The following PHTF2 variants were observed in gnomAD, a reference collection of about 807,000 sequenced individuals.
The protein encoded by PHTF2 is protein PHTF2.
In PHTF2, 60 loss-of-function variants were observed where a neutral mutation model predicts 101.2. The ratio of observed to expected loss-of-function variants is 0.59; its 90% CI spans 0.48 to 0.73. The LOEUF is 0.73. PHTF2 is among the 30% of genes least tolerant of loss of function. The pLI is 0.00. For synonymous variants in PHTF2, 311 were observed against 307.3 expected (o/e 1.01, Z -0.13); for missense variants, 747 against 908.7 (o/e 0.82, Z 2.29).
chr7:77,832,933 TA>T (rs1178007833), intron 1 of PHTF2, among the ~76,000 whole-genome samples: 2 of 152,138 alleles, frequency 1.3e-5, no homozygotes, highest in African/African-American at 4.8e-5. Context: ...TCCCTGGTGC[TA>T]AAAAAGGTTG....
chr7:77,800,274 C>G (rs551991991), intron 1 of PHTF2, among the ~76,000 whole-genome samples: 1 of 152,252 alleles, frequency 6.6e-6, no homozygotes, highest in Admixed American at 6.5e-5. Flanking sequence ...GGCTCCACCT[C>G]CATAACGTAG....
chr7:77,799,440 G>A (rs1393238206), intron 1 of PHTF2, among the ~76,000 whole-genome samples: 1 of 152,174 alleles, frequency 6.6e-6, no homozygotes, highest in Non-Finnish European at 1.5e-5. Context: ...TCGGGAGGGG[G>A]CGGCGGCTCG....
chr7:77,862,427 T>G (rs960390563), intron 3 of PHTF2, among the ~76,000 whole-genome samples: 7 of 152,210 alleles, frequency 4.6e-5, no homozygotes, highest in Non-Finnish European at 2.9e-5. Flanking sequence ...TTTGAAATAC[T>G]GCAGTCATTT....
At chr7:77,943,042 C>T (rs903726968) in intron 16 of PHTF2, among the ~76,000 whole-genome samples, 3 of 152,200 alleles carry the variant, frequency 2.0e-5, no homozygotes, top group African/African-American at 4.8e-5. Flanking sequence ...ATTATCTTTA[C>T]TTCCCAAAAG....
exon 14 of PHTF2, chr7:77,940,200 T>C: frequency 6.2e-7 from 1 of 1,613,782 alleles, no homozygotes; most frequent in Non-Finnish European, 8.5e-7. Flanking sequence ...CTAATGAAGA[T>C]GTCATAGTTC....
At chr7:77,934,568 A>G (rs1355378551) in intron 12 of PHTF2, among the ~76,000 whole-genome samples, 9 of 152,232 alleles carry the variant, frequency 5.9e-5, no homozygotes, top group Non-Finnish European at 1.2e-4. Flanking sequence ...AGGATAAAGT[A>G]TAATCATTTT....
At chr7:77,926,594 A>AT (rs945079110) in intron 11 of PHTF2, among the ~76,000 whole-genome samples, 2 of 152,102 alleles carry the variant, frequency 1.3e-5, no homozygotes, top group African/African-American at 2.4e-5. Context: ...AAAAAAAAAA[A>AT]TCTGTCTTTT....
At chr7:77,882,854 A>G (rs1672164472) in intron 3 of PHTF2, among the ~76,000 whole-genome samples, 1 of 152,138 alleles carries the variant, frequency 6.6e-6, no homozygotes, top group Admixed American at 6.5e-5. Flanking sequence ...TAATTAAATG[A>G]TTCATCTTCC....
exon 20 of PHTF2, chr7:77,956,275 G>A (rs1806986178): frequency 6.6e-6 from 1 of 152,470 alleles, no homozygotes; most frequent in Non-Finnish European, 1.5e-5. Flanking sequence ...AGAACTTTAA[G>A]ACGATTAATT....
chr7:77,813,055 A>G (rs1385119681), intron 1 of PHTF2, among the ~76,000 whole-genome samples: 1 of 152,238 alleles, frequency 6.6e-6, no homozygotes. Context: ...TACAGTAGTC[A>G]TCTATAGATG....
chr7:77,836,119 C>CAA (rs1210225270), intron 1 of PHTF2, among the ~76,000 whole-genome samples: 123 of 64,460 alleles, frequency 1.9e-3, no homozygotes, highest in African/African-American at 5.3e-3. Context: ...AACTCCATCT[C>CAA]AAAAAAAAAA....
chr7:77,886,046 T>G (rs1259317213), intron 3 of PHTF2, among the ~76,000 whole-genome samples: 2 of 152,222 alleles, frequency 1.3e-5, no homozygotes, highest in South Asian at 4.1e-4. Context: ...TTAAATATGT[T>G]TGCAAATCTG....
At chr7:77,908,424 A>G (rs959239984) in intron 7 of PHTF2, among the ~76,000 whole-genome samples, 1 of 152,212 alleles carries the variant, frequency 6.6e-6, no homozygotes, top group South Asian at 2.1e-4. Flanking sequence ...TACACTTATC[A>G]TAAGATTTCT....
intron 3 of PHTF2, among the ~76,000 whole-genome samples, chr7:77,890,962 C>A (rs1584613620): frequency 7.7e-6 from 1 of 130,682 alleles, no homozygotes; most frequent in African/African-American, 3.0e-5. Context: ...AGGCAGAGTA[C>A]AGTGGCATGA....
At chr7:77,837,970 T>C (rs1795597390) in intron 1 of PHTF2, among the ~76,000 whole-genome samples, 1 of 152,194 alleles carries the variant, frequency 6.6e-6, no homozygotes, top group Non-Finnish European at 1.5e-5. Context: ...TAATCTGGAA[T>C]ATTTGTCAAT....
At chr7:77,821,255 G>C (rs1794267877) in intron 1 of PHTF2, among the ~76,000 whole-genome samples, 2 of 151,768 alleles carry the variant, frequency 1.3e-5, no homozygotes, top group Admixed American at 1.3e-4. Context: ...GTTTTCTCTT[G>C]GTTTTAGAAT....
intron 1 of PHTF2, among the ~76,000 whole-genome samples, chr7:77,816,553 A>G (rs1793871814): frequency 6.6e-6 from 1 of 152,256 alleles, no homozygotes; most frequent in South Asian, 2.1e-4. Context: ...TAGTGATCAG[A>G]TCAGAGTAAT....
At chr7:77,917,679 G>T (rs1803060935) in intron 9 of PHTF2, among the ~76,000 whole-genome samples, 1 of 152,054 alleles carries the variant, frequency 6.6e-6, no homozygotes, top group South Asian at 2.1e-4. Context: ...GCTGCACCTG[G>T]TACTTTTCTC....
chr7:77,859,454 T>G (rs2150665018), intron 3 of PHTF2, among the ~76,000 whole-genome samples: 1 of 152,316 alleles, frequency 6.6e-6, no homozygotes, highest in South Asian at 2.1e-4. Flanking sequence ...TTCATGTTCT[T>G]AAAAGTTACG....
Sources: gnomAD v4.1 joint callset for allele counts (sites outside exome capture counted in the v4.1 genomes callset) on GRCh38, gnomAD v4.1.1 for gene constraint, MANE v1.5 for transcripts, NCBI Gene and HGNC (gene_info 2026-07-23, HGNC 2026-07-21) for gene names.